COL28A1: variants seen among roughly 807,000 people sequenced by gnomAD.
COL28A1 encodes collagen type XXVIII alpha 1 chain.
In COL28A1, 161 loss-of-function variants were observed where a neutral mutation model predicts 150.2. The observed-to-expected ratio is 1.07, with a 90% confidence interval of 0.94 to 1.22. The LOEUF is 1.22. COL28A1 is among the 50% of genes most tolerant of loss of function. COL28A1 has a pLI of 0.00. For synonymous variants in COL28A1, 552 were observed against 469.7 expected (o/e 1.18, Z -2.26); for missense variants, 1,617 against 1,388.3 (o/e 1.16, Z -2.62).
intron 31 of COL28A1, among the ~76,000 whole-genome samples, chr7:7,374,200 G>C (rs891360182): frequency 6.6e-6 from 1 of 151,984 alleles, no homozygotes; most frequent in African/African-American, 2.4e-5. Context: ...CTCCCAGAGA[G>C]GTAACCACCA....
chr7:7,508,025 G>T (rs1241071024), intron 9 of COL28A1, among the ~76,000 whole-genome samples: 1 of 152,162 alleles, frequency 6.6e-6, no homozygotes, highest in Admixed American at 6.5e-5. Context: ...GAGGTCAGGA[G>T]ATGGAGACCA....
chr7:7,543,673 G>A, the COL28A1 span, among the ~76,000 whole-genome samples: 2 of 152,102 alleles, frequency 1.3e-5, no homozygotes, highest in Non-Finnish European at 2.9e-5. Flanking sequence ...ACAACTTCAA[G>A]TACACACACA....
intron 16 of COL28A1, among the ~76,000 whole-genome samples, chr7:7,455,265 G>C (rs746774292): frequency 6.6e-6 from 1 of 152,220 alleles, no homozygotes; most frequent in Non-Finnish European, 1.5e-5. Flanking sequence ...TGAATTTGTG[G>C]GTTGCTTTGA....
At chr7:7,358,974 T>C (rs1780480665) in intron 34 of COL28A1, among the ~76,000 whole-genome samples, 169 bp from the exon 35 acceptor site, 1 of 150,496 alleles carries the variant, frequency 6.6e-6, no homozygotes, top group South Asian at 2.1e-4. Context: ...ACCCAAAATA[T>C]TTCCCTCACC....
chr7:7,501,884 A>G (rs1175113109), intron 11 of COL28A1, among the ~76,000 whole-genome samples: 1 of 151,910 alleles, frequency 6.6e-6, no homozygotes, highest in Non-Finnish European at 1.5e-5. Context: ...GATTTCCGAG[A>G]CTATTGAGAC....
chr7:7,390,359 T>C (rs947404490), intron 27 of COL28A1, among the ~76,000 whole-genome samples: 9 of 152,094 alleles, frequency 5.9e-5, no homozygotes, highest in African/African-American at 2.2e-4. Flanking sequence ...ATCGTGGTGG[T>C]TAAGCTTTTT....
At chr7:7,541,335 ATATG>A in the COL28A1 span, among the ~76,000 whole-genome samples, 1 of 151,912 alleles carries the variant, frequency 6.6e-6, no homozygotes, top group Non-Finnish European at 1.5e-5. Flanking sequence ...CTATTTGGGG[ATATG>A]AACAACCTTT....
At chr7:7,431,432 G>C (rs970833394) in intron 25 of COL28A1, 2 of 437,988 alleles carry the variant, frequency 4.6e-6, no homozygotes, top group Non-Finnish European at 4.8e-6. Flanking sequence ...AAAACATACA[G>C]AGGGGTTGGG....
At chr7:7,345,756 T>C in the COL28A1 span, among the ~76,000 whole-genome samples, 3 of 152,106 alleles carry the variant, frequency 2.0e-5, no homozygotes, top group African/African-American at 7.2e-5. Context: ...CATTTTTCTT[T>C]TTGTTGCTTC....
chr7:7,511,563 T>C, intron 8 of COL28A1: 1 of 312,718 alleles, frequency 3.2e-6, no homozygotes, highest in Non-Finnish European at 6.5e-6. Context: ...AAATAGCTAG[T>C]AAGTAAAAGA....
chr7:7,403,669 T>C (rs1435622719), intron 27 of COL28A1, among the ~76,000 whole-genome samples: 1 of 152,184 alleles, frequency 6.6e-6, no homozygotes, highest in Non-Finnish European at 1.5e-5. Flanking sequence ...GTAATATTTA[T>C]AGACTAAGGT....
intron 27 of COL28A1, among the ~76,000 whole-genome samples, chr7:7,401,000 G>GTGTGTA (rs1783163017): frequency 6.7e-6 from 1 of 149,692 alleles, no homozygotes; most frequent in South Asian, 2.1e-4. Context: ...GTGTGTGTGT[G>GTGTGTA]TGTGTGTGTG....
At chr7:7,392,139 T>C (rs1323809605) in intron 27 of COL28A1, among the ~76,000 whole-genome samples, 3 of 152,244 alleles carry the variant, frequency 2.0e-5, no homozygotes, top group Admixed American at 6.5e-5. Flanking sequence ...CCATGTTTAG[T>C]GCTCCCTTCA....
intron 18 of COL28A1, among the ~76,000 whole-genome samples, chr7:7,446,853 A>C (rs1486542727): frequency 2.0e-5 from 3 of 152,348 alleles, no homozygotes; most frequent in Middle Eastern, 3.4e-3. Context: ...AAAAGTTCAC[A>C]GAGTAGATTA....
intron 25 of COL28A1, among the ~76,000 whole-genome samples, chr7:7,428,316 T>C (rs1784755153): frequency 6.6e-6 from 1 of 152,128 alleles, no homozygotes; most frequent in African/African-American, 2.4e-5. Context: ...TCATAGCTTT[T>C]TCTGTGATGA....
chr7:7,419,831 G>C, intron 26 of COL28A1, 54 bp downstream of exon 26: 1 of 1,191,080 alleles, frequency 8.4e-7, no homozygotes, highest in Non-Finnish European at 1.2e-6. Context: ...CTGTTCACTT[G>C]TTTGTCACTG....
At position 7,531,724 on chromosome 7, in the gene COL28A1, A is replaced by G. The variant is rs150768519; in HGVS notation, c.305T>C (p.Val102Ala). 6.1e-4 allele frequency: 977 copies of G among 1,606,110 alleles called. 5 individuals are homozygous for G. The African/African-American group carries it at 0.012, about 20-fold the overall frequency. The change falls in exon 3 of 35, where the codon GTC (valine) becomes GCC (alanine). Residue 102 changes from valine to alanine, a missense_variant. Transcript: ENST00000399429. The part of the protein sequence containing the change: ...KLAALQFSSS[V>A]QIDPPFSSWK... Reference sequence around the variant, plus strand: ...GGAAGAAAAAGGTGGATCAATTTGGACAGAGCTGCTAAACTGAAGGGCTGC... The same window carrying G: ...GGAAGAAAAAGGTGGATCAATTTGGGCAGAGCTGCTAAACTGAAGGGCTGC...
the COL28A1 span, among the ~76,000 whole-genome samples, chr7:7,338,440 T>G: frequency 1.3e-5 from 2 of 152,136 alleles, no homozygotes; most frequent in Non-Finnish European, 2.9e-5. Context: ...CTAGGTATTT[T>G]ATTCTTTGTA....
intron 25 of COL28A1, among the ~76,000 whole-genome samples, chr7:7,430,087 G>A (rs1784876772): frequency 6.6e-6 from 1 of 152,144 alleles, no homozygotes; most frequent in Non-Finnish European, 1.5e-5. Context: ...CTGTATCTTA[G>A]ATAATCTGAC....
Sources: gnomAD v4.1 joint callset for allele counts (sites outside exome capture counted in the v4.1 genomes callset) on GRCh38, gnomAD v4.1.1 for gene constraint, MANE v1.5 for transcripts, NCBI Gene and HGNC (gene_info 2026-07-23, HGNC 2026-07-21) for gene names.